The following RGS22 variants were observed in gnomAD, a reference collection of about 807,000 sequenced individuals.
RGS22 encodes the protein regulator of G-protein signaling 22.
A neutral mutation model predicts 172.9 loss-of-function variants in RGS22; 148 were observed. That is an observed-to-expected ratio of 0.86 (90% CI 0.75 to 0.98). RGS22 has a LOEUF of 0.98. Among genes scored for constraint, RGS22 ranks in the 50% least tolerant of loss-of-function variants. The pLI is 0.00. For missense variants in RGS22, 1,347 were observed against 1,440.8 expected, an observed-to-expected ratio of 0.93 and a Z score of 1.05; for synonymous variants, 458 against 480.2, an observed-to-expected ratio of 0.95 and a Z score of 0.60.
At chr8:100,038,291 T>C (rs1312646257) in intron 14 of RGS22, among the ~76,000 whole-genome samples, 1 of 151,770 alleles carries the variant, frequency 6.6e-6, no homozygotes, top group Non-Finnish European at 1.5e-5. Flanking sequence ...AAAGAGGCTA[T>C]TCTGTCTCCT....
chr8:99,980,353 T>C (rs1367747941), intron 22 of RGS22, among the ~76,000 whole-genome samples: 1 of 152,210 alleles, frequency 6.6e-6, no homozygotes, highest in Non-Finnish European at 1.5e-5. Context: ...GTTTCTGTAA[T>C]ACATTATGAG....
chr8:99,984,976 C>T (rs543790560), intron 21 of RGS22, among the ~76,000 whole-genome samples: 1 of 152,288 alleles, frequency 6.6e-6, no homozygotes, highest in East Asian at 1.9e-4. Flanking sequence ...TAGTAACCAA[C>T]GTCCTTGTTG....
intron 14 of RGS22, among the ~76,000 whole-genome samples, chr8:100,031,620 C>T (rs575821643): frequency 9.2e-5 from 14 of 151,826 alleles, no homozygotes; most frequent in East Asian, 1.9e-4. Context: ...TTGTTTCATA[C>T]GTTTACTTAT....
At chr8:99,995,698 T>C (rs1167349829) in intron 20 of RGS22, among the ~76,000 whole-genome samples, 1 of 152,230 alleles carries the variant, frequency 6.6e-6, no homozygotes, top group Non-Finnish European at 1.5e-5. Flanking sequence ...TGGAAGACAG[T>C]GTGGCGATTC....
At chr8:100,046,735 ACTTCGGCATTTGAGG>A (rs1275588046) in intron 11 of RGS22, among the ~76,000 whole-genome samples, 2 of 151,726 alleles carry the variant, frequency 1.3e-5, no homozygotes, top group Non-Finnish European at 2.9e-5. Flanking sequence ...CACAGAGGTG[ACTTCGGCATTTGAGG>A]CTGCTTTTTC....
intron 14 of RGS22, among the ~76,000 whole-genome samples, chr8:100,022,222 A>T (rs1462174813): frequency 6.6e-6 from 1 of 152,240 alleles, no homozygotes; most frequent in East Asian, 1.9e-4. Flanking sequence ...TACTGCAGAG[A>T]TCAACACAAG....
intron 11 of RGS22, chr8:100,042,569 T>C (rs1457896264): frequency 1.3e-5 from 2 of 152,188 alleles, no homozygotes; most frequent in Non-Finnish European, 2.9e-5. Context: ...TGACTTTGGA[T>C]ATTATCTTTT....
chr8:100,099,913 G>A (rs965898482), intron 2 of RGS22, among the ~76,000 whole-genome samples: 1 of 152,158 alleles, frequency 6.6e-6, no homozygotes, highest in African/African-American at 2.4e-5. Flanking sequence ...GCTGCCTAGT[G>A]TGTCAGCCCC....
At chr8:100,072,553 G>A (rs1229001573) in intron 4 of RGS22, among the ~76,000 whole-genome samples, 2 of 152,122 alleles carry the variant, frequency 1.3e-5, no homozygotes, top group Non-Finnish European at 2.9e-5. Context: ...ATGCATCTCA[G>A]TATTTTCACA....
intron 14 of RGS22, among the ~76,000 whole-genome samples, chr8:100,036,723 T>C (rs3133694): frequency 0.62 from 93,937 of 151,754 alleles, 29,262 homozygotes; most frequent in Admixed American, 0.66. Flanking sequence ...CTCAGCCTCT[T>C]CAGTACCTAC....
chr8:100,092,085 T>C (rs186608154), intron 3 of RGS22: 2 of 150,364 alleles, frequency 1.3e-5, no homozygotes, highest in African/African-American at 4.9e-5. Flanking sequence ...TATATAAAAC[T>C]AATCTACACA....
chr8:99,995,095 C>T (rs1814213316), intron 20 of RGS22, among the ~76,000 whole-genome samples: 1 of 152,164 alleles, frequency 6.6e-6, no homozygotes, highest in African/African-American at 2.4e-5. Flanking sequence ...CCCTTCCTTA[C>T]ACCTTATACA....
chr8:100,009,018 C>A (rs80305333), intron 14 of RGS22, among the ~76,000 whole-genome samples: 1 of 152,140 alleles, frequency 6.6e-6, no homozygotes, highest in African/African-American at 2.4e-5. Flanking sequence ...ACCAGCCCTA[C>A]CAAATTGAGC....
chr8:100,019,781 C>A (rs1817402036), intron 14 of RGS22, among the ~76,000 whole-genome samples: 1 of 151,948 alleles, frequency 6.6e-6, no homozygotes, highest in Non-Finnish European at 1.5e-5. Context: ...AGTAAGGCAG[C>A]AGAAGGCATT....
chr8:99,993,388 A>T (rs1049936058), intron 20 of RGS22, among the ~76,000 whole-genome samples: 3 of 152,198 alleles, frequency 2.0e-5, no homozygotes, highest in Non-Finnish European at 4.4e-5. Flanking sequence ...AACAAAGAAA[A>T]GAGAGAAGAG....
At position 100,006,041 on chromosome 8, in the gene RGS22, T is replaced by C. The variant is rs1049230783; in HGVS notation, c.2430A>G (p.Lys810=). ...TYFRKLQALH[K]ETFSKKAEDT... ...CCTCAGCTTTCTTGGAAAATGTCTC[T>C]TTATGCAAAGCCTGTAGCTTTCTGA... Residue 810 remains lysine, a synonymous_variant, in exon 16 of 28, where the codon AAA becomes AAG. Coordinates refer to ENST00000360863, the MANE Select transcript of RGS22 (RefSeq NM_015668.5). 1.2e-6 allele frequency: 2 copies of C among 1,613,400 alleles called. No homozygotes were observed. Among genetic ancestry groups the C allele is most frequent in the Admixed American group, 1.7e-5 (1 of 59,934 alleles).
chr8:100,080,103 T>A, intron 4 of RGS22, 31 bp downstream of exon 4: 1 of 1,425,108 alleles, frequency 7.0e-7, no homozygotes, highest in African/African-American at 1.4e-5. Flanking sequence ...GCTTTATCTA[T>A]CTAACAAGAT....
At chr8:100,040,175 C>T (rs560958685) in intron 12 of RGS22, 88 bp from the exon 13 acceptor site, 1 of 1,175,388 alleles carries the variant, frequency 8.5e-7, no homozygotes, top group South Asian at 1.4e-5. Context: ...TAAACTCTAC[C>T]ATGCTGTCAT....
chr8:99,972,516 AAT>A (rs1488328667), intron 23 of RGS22, among the ~76,000 whole-genome samples: 1 of 152,258 alleles, frequency 6.6e-6, no homozygotes, highest in Non-Finnish European at 1.5e-5. Context: ...ACAGAGGTCT[AAT>A]ATCCAGAATC....
Sources: gnomAD v4.1 joint callset for allele counts (sites outside exome capture counted in the v4.1 genomes callset) on GRCh38, gnomAD v4.1.1 for gene constraint, MANE v1.5 for transcripts, NCBI Gene and HGNC (gene_info 2026-07-23, HGNC 2026-07-21) for gene names.